The following CALU variants were observed in gnomAD, a reference collection of about 807,000 sequenced individuals.
CALU encodes IEF SSP 9302.
CALU carries 13 observed loss-of-function variants against 37.5 expected under a neutral mutation model. The observed-to-expected ratio is 0.35, with a 90% confidence interval of 0.23 to 0.55. The LOEUF (loss-of-function observed/expected upper bound fraction) is 0.55, where lower values mean the gene tolerates loss of function less well. Among genes scored for constraint, CALU ranks in the 20% least tolerant of loss-of-function variants. The probability of loss-of-function intolerance (pLI) is 0.89; values close to 1 mark genes in which losing one functional copy is unlikely to be tolerated. For missense variants in CALU, 282 were observed against 391.7 expected (o/e 0.72, Z 2.36); for synonymous variants, 114 against 133.8 (o/e 0.85, Z 1.02).
intron 2 of CALU, 126 bp from the exon 3 acceptor site, chr7:128,754,136 G>T: frequency 7.3e-6 from 5 of 684,816 alleles, no homozygotes; most frequent in Admixed American, 3.0e-5. Context: ...TTCAGTTGCT[G>T]GCCTGGCAGT....
Position 128,772,933 on chromosome 7 carries a change from G to T in CALU, c.*3766G>T, listed in dbSNP as rs1332898152. ...GCTTCATAAAAGCACTGTCAGCAGA[G>T]GCCCCTCCATTACTAGCAGGTGCTC... On this transcript the variant is annotated 3_prime_UTR_variant, in exon 7 of 7. Coordinates refer to ENST00000249364, the MANE Select transcript of CALU (RefSeq NM_001219.5). 6.6e-6 allele frequency among the ~76,000 whole-genome samples: 1 copy of T among 152,158 alleles called. No homozygotes were observed. The highest frequency in any genetic ancestry group is 6.5e-5 in the Admixed American group (1 of 15,276).
intron 4 of CALU, among the ~76,000 whole-genome samples, 178 bp downstream of exon 4, chr7:128,759,215 C>G (rs1801005824): frequency 6.6e-6 from 1 of 152,124 alleles, no homozygotes; most frequent in Admixed American, 6.5e-5. Context: ...CACTGTTTTT[C>G]TGTGACCTTG....
intron 2 of CALU, among the ~76,000 whole-genome samples, chr7:128,750,099 G>T (rs192367909): frequency 1.3e-5 from 2 of 151,542 alleles, no homozygotes; most frequent in Non-Finnish European, 2.9e-5. Flanking sequence ...GTGGTGGCGC[G>T]TGCCTGTAGT....
intron 5 of CALU, among the ~76,000 whole-genome samples, chr7:128,765,319 C>T (rs1801288804): frequency 6.6e-6 from 1 of 152,194 alleles, no homozygotes; most frequent in Non-Finnish European, 1.5e-5. Context: ...CTGCTAGGCT[C>T]AAGCCATCCT....
In CALU at chr7:128,769,890, A is replaced by G. The variant is rs1036943278; in HGVS notation, c.*723A>G. The stretch of plus-strand genomic sequence containing the variant: ...GGGCCAGTGTCTTGAAAATCAATCA[A>G]GTAGTGAATGTGATCTCTTTGCAGA... On this transcript the variant is annotated 3_prime_UTR_variant, in exon 7 of 7. Coordinates refer to ENST00000249364, the MANE Select transcript of CALU (RefSeq NM_001219.5). 1 of 152,236 alleles carries G rather than the reference A, an allele frequency of 6.6e-6. No individual in the cohort carries two copies. Among genetic ancestry groups the G allele is most frequent in the African/African-American group, 2.4e-5 (1 of 41,468 alleles). The allele number at this position is 152,236 out of a possible 1,614,324, so 9.4% of individuals were successfully genotyped here. A position where few individuals can be genotyped will look rare whatever the true frequency, so the allele number is the denominator to read the frequency against.
At chr7:128,739,956 G>A (rs540676421) in intron 1 of CALU, among the ~76,000 whole-genome samples, 2 of 152,272 alleles carry the variant, frequency 1.3e-5, no homozygotes, top group African/African-American at 4.8e-5. Flanking sequence ...GGGAGAGAAC[G>A]AGTGACGACA....
chr7:128,759,166 C>A, intron 4 of CALU, 129 bp downstream of exon 4: 1 of 635,550 alleles, frequency 1.6e-6, no homozygotes, highest in South Asian at 3.4e-5. Context: ...ACTGTATATG[C>A]TATATAAGTA....
At chr7:128,739,477 A>G (rs970330717) in intron 1 of CALU, 45 bp downstream of exon 1, 2 of 152,622 alleles carry the variant, frequency 1.3e-5, no homozygotes, top group African/African-American at 4.8e-5. Context: ...CCTCATCTTT[A>G]TTCGCTTTCT....
rs1585023588 is a variant in CALU, at chr7:128,769,403, A to G, written c.*236A>G. ...TGTTTGTAGATTTACACTTTGTATTATGTATTAACATGGCGTGTTTATTTT... is the reference window on the plus strand; with the variant it reads ...TGTTTGTAGATTTACACTTTGTATTGTGTATTAACATGGCGTGTTTATTTT... On this transcript the variant is annotated 3_prime_UTR_variant, in exon 7 of 7. Coordinates refer to ENST00000249364, the MANE Select transcript of CALU (RefSeq NM_001219.5). The G allele has an allele frequency of 3.2e-6, 1 of 315,074 alleles. No individual in the cohort carries two copies. 19.5% of individuals were successfully genotyped at this position (315,074 alleles called of 1,614,324 possible).
In CALU at chr7:128,759,174, G is replaced by T. The variant is rs1336027027; in HGVS notation, c.582+137G>T. 5 of 591,440 alleles carry T rather than the reference G, an allele frequency of 8.5e-6. No homozygotes were observed. The African/African-American group carries it at 9.7e-5, about 11-fold the overall frequency. The allele number at this position is 591,440 out of a possible 1,614,324, so 36.6% of individuals were successfully genotyped here. ...GCATATCACTGTATATGCTATATAAGTATTGGCCAGATTCAGAATCCAAGG... is the reference window on the plus strand; with the variant it reads ...GCATATCACTGTATATGCTATATAATTATTGGCCAGATTCAGAATCCAAGG... On this transcript the variant is annotated intron_variant, in intron 4 of 6. Coordinates refer to ENST00000249364, the MANE Select transcript of CALU (RefSeq NM_001219.5).
At chr7:128,745,974 G>C (rs1479383317) in intron 1 of CALU, among the ~76,000 whole-genome samples, 1 of 152,134 alleles carries the variant, frequency 6.6e-6, no homozygotes, top group Admixed American at 6.5e-5. Context: ...ATTTGTCTTT[G>C]CACACCATTT....
chr7:128,771,566 C>T lies in CALU; in HGVS notation c.*2399C>T, dbSNP rs1044226. ...AAAATGTCAGAATGGGAACTCTCCT[C>T]GAAGTTCTCCCAAACTCAGAGACAG... On this transcript the variant is annotated 3_prime_UTR_variant, in exon 7 of 7. Transcript: ENST00000249364. 0.28 allele frequency: 42,461 copies of T among 152,476 alleles called. 6,952 individuals are homozygous for T. The highest frequency in any genetic ancestry group is 0.38 in the Middle Eastern group (112 of 292). 9.4% of individuals were successfully genotyped at this position (152,476 alleles called of 1,614,324 possible).
rs1239814352 is a variant in CALU at position 128,764,788 on chromosome 7, T to C, written c.644-2668T>C. Among the ~76,000 whole-genome samples, 7 of 151,804 alleles carry C rather than the reference T, an allele frequency of 4.6e-5. No individual in the cohort carries two copies. In the East Asian group the frequency reaches 1.3e-3, roughly 29 times the overall value. On this transcript the variant is annotated intron_variant, in intron 5 of 6. Transcript: ENST00000249364. ...CAATGTGACCATCACTTAATTGCCC[T>C]TTTTTTTGTTTAAATTTATAGGGAT...
At chr7:128,748,368 G>A in intron 1 of CALU, 1 of 1,501,534 alleles carries the variant, frequency 6.7e-7, no homozygotes, top group Non-Finnish European at 8.9e-7. Context: ...AAGGAAACTG[G>A]TAAAAATTTC....
At chr7:128,757,912 T>G (rs979998719) in intron 3 of CALU, among the ~76,000 whole-genome samples, 7 of 56,636 alleles carry the variant, frequency 1.2e-4, no homozygotes, top group Non-Finnish European at 2.1e-4. Flanking sequence ...AATCTAAGGG[T>G]TTTTTTTTTT....
Position 128,745,559 on chromosome 7 carries a change from C to G in CALU, c.-11-3014C>G, listed in dbSNP as rs140571337. ...GGACCAGACTGCAGTGAGCTATCAT[C>G]ACACCACTATATCTAGCCTGGGTGA... On this transcript the variant is annotated intron_variant, in intron 1 of 6. Transcript: ENST00000249364. Among the ~76,000 whole-genome samples, 4 of 152,182 alleles carry G rather than the reference C, an allele frequency of 2.6e-5. No individual in the cohort carries two copies. In the East Asian group the frequency reaches 7.7e-4, roughly 29 times the overall value.
intron 2 of CALU, among the ~76,000 whole-genome samples, chr7:128,750,215 C>T (rs1440847323): frequency 8.6e-6 from 1 of 116,726 alleles, no homozygotes; most frequent in African/African-American, 3.3e-5. Context: ...GCAACAGAGC[C>T]ATCTCAAAAA....
rs1313802011 is a variant in CALU at position 128,769,227 on chromosome 7, A to C, written c.*60A>C. The C allele has an allele frequency of 4.3e-6, 4 of 932,700 alleles. No individual in the cohort carries two copies. Among genetic ancestry groups the C allele is most frequent in the South Asian group, 3.0e-5 (2 of 67,788 alleles). The allele number at this position is 932,700 out of a possible 1,614,324, so 57.8% of individuals were successfully genotyped here. On this transcript the variant is annotated 3_prime_UTR_variant, in exon 7 of 7. Coordinates refer to ENST00000249364, the MANE Select transcript of CALU (RefSeq NM_001219.5). The stretch of plus-strand genomic sequence containing the variant: ...TTATTTTTACAGCTTCTGGTTTCAC[A>C]TGAAATTGTTTGCGCTACTGAGACT...
chr7:128,747,179 G>C (rs1305172693), intron 1 of CALU, among the ~76,000 whole-genome samples: 5 of 152,024 alleles, frequency 3.3e-5, no homozygotes, highest in Admixed American at 6.5e-5. Flanking sequence ...TGTCATCATT[G>C]AACATCTTAA....
Sources: gnomAD v4.1 joint callset for allele counts (sites outside exome capture counted in the v4.1 genomes callset) on GRCh38, gnomAD v4.1.1 for gene constraint, MANE v1.5 for transcripts, NCBI Gene and HGNC (gene_info 2026-07-23, HGNC 2026-07-21) for gene names.